RBFOX1: variants seen among roughly 807,000 people sequenced by gnomAD.
RBFOX1 encodes the protein RNA binding fox-1 homolog 1.
In RBFOX1, 8 loss-of-function variants were observed where a neutral mutation model predicts 57.7. That is an observed-to-expected ratio of 0.14 (90% CI 0.08 to 0.25). The LOEUF (loss-of-function observed/expected upper bound fraction) is 0.25, where lower values mean the gene tolerates loss of function less well. RBFOX1 is among the 10% of genes least tolerant of loss of function. The pLI, the probability that RBFOX1 is intolerant of heterozygous loss-of-function variation, is 1.00. For missense variants in RBFOX1, 611 were observed against 548.5 expected (o/e 1.11, Z -1.14); for synonymous variants, 326 against 222.4 (o/e 1.47, Z -4.15).
At chr16:6,773,841 TTGTG>T (rs1007551740) in intron 3 of RBFOX1, 129 of 461,200 alleles carry the variant, frequency 2.8e-4, no homozygotes, top group African/African-American at 2.6e-3. Flanking sequence ...TGGGGTGCAT[TTGTG>T]TGTATATATG....
intron 3 of RBFOX1, among the ~76,000 whole-genome samples, chr16:6,965,048 C>G (rs933162802): frequency 7.2e-5 from 11 of 152,112 alleles, no homozygotes; most frequent in African/African-American, 2.7e-4. Context: ...GGTTCTCCTC[C>G]TTCCCTGGAG....
chr16:7,707,273 T>C (rs895155264), intron 14 of RBFOX1, among the ~76,000 whole-genome samples: 6 of 152,278 alleles, frequency 3.9e-5, no homozygotes, highest in African/African-American at 1.4e-4. Flanking sequence ...ACTTGGAGTC[T>C]GAGAAGGTCC....
At chr16:7,557,691 C>T (rs898744806) in intron 5 of RBFOX1, among the ~76,000 whole-genome samples, 8 of 142,142 alleles carry the variant, frequency 5.6e-5, no homozygotes, top group Non-Finnish European at 1.2e-4. Flanking sequence ...CCAGAAAGCA[C>T]TTTTATATTA....
intron 3 of RBFOX1, among the ~76,000 whole-genome samples, chr16:7,028,116 C>T (rs973731681): frequency 5.3e-5 from 8 of 152,188 alleles, no homozygotes; most frequent in Admixed American, 4.6e-4. Flanking sequence ...GTTTGACTGC[C>T]TAGAAGCCTG....
intron 4 of RBFOX1, among the ~76,000 whole-genome samples, chr16:7,265,980 T>G (rs1490714865): frequency 3.6e-5 from 5 of 140,818 alleles, no homozygotes; most frequent in East Asian, 4.0e-4. Context: ...TTTTTTTTTT[T>G]TTTTTTTTTT....
intron 1 of RBFOX1, chr16:5,260,880 C>A (rs977159274): frequency 6.6e-6 from 1 of 152,246 alleles, no homozygotes; most frequent in Non-Finnish European, 1.5e-5. Context: ...TAACCACCAT[C>A]AAAATGGGTT....
Position 6,400,606 on chromosome 16 carries a change from G to T in RBFOX1, c.-64+83549G>T, listed in dbSNP as rs75250729. On this transcript the variant is annotated intron_variant, in intron 2 of 15. Coordinates refer to ENST00000550418, the MANE Select transcript of RBFOX1 (RefSeq NM_018723.4). ...TAAATATAAAAACAGAAATCAGGCT[G>T]GGCCTTGTAGCTCATGCCTGTAATC... Among the ~76,000 whole-genome samples, 597 of 152,316 alleles carry T rather than the reference G, an allele frequency of 3.9e-3. 4 individuals carry two copies. Among genetic ancestry groups the T allele is most frequent in the African/African-American group, 0.014 (583 of 41,564 alleles).
At chr16:5,457,968 G>GACCCACTTACAAGA (rs1307157578) in intron 1 of RBFOX1, among the ~76,000 whole-genome samples, 6 of 152,082 alleles carry the variant, frequency 3.9e-5, no homozygotes. Flanking sequence ...TGAGAACTCT[G>GACCCACTTACAAGA]ACCCACTTAC....
chr16:5,319,028 G>A (rs34182349), intron 1 of RBFOX1, among the ~76,000 whole-genome samples: 4 of 152,080 alleles, frequency 2.6e-5, no homozygotes, highest in Non-Finnish European at 5.9e-5. Flanking sequence ...TTGGGAGGCT[G>A]AGGCAGGAGA....
At chr16:5,432,559 G>GTTTTTTTTTTTTTTTTGTTTTTTT (rs35344614) in intron 1 of RBFOX1, among the ~76,000 whole-genome samples, 2 of 94,224 alleles carry the variant, frequency 2.1e-5, no homozygotes, top group Non-Finnish European at 4.1e-5. Flanking sequence ...TTGTTTGTTT[G>GTTTTTTTTTTTTTTTTGTTTTTTT]TTTTTTTTTT....
chr16:5,808,395 G>A (rs549676715), intron 3 of RBFOX1, among the ~76,000 whole-genome samples: 24 of 152,240 alleles, frequency 1.6e-4, no homozygotes, highest in Admixed American at 3.9e-4. Context: ...TTGACTTGGC[G>A]ATGCGGGCTC....
chr16:5,964,478 T>C (rs917515434), intron 4 of RBFOX1, among the ~76,000 whole-genome samples: 2 of 152,136 alleles, frequency 1.3e-5, no homozygotes, highest in South Asian at 2.1e-4. Context: ...AGCCAAAATA[T>C]GAAATGACCT....
At chr16:7,122,273 A>G (rs996430108) in intron 4 of RBFOX1, among the ~76,000 whole-genome samples, 10 of 152,156 alleles carry the variant, frequency 6.6e-5, no homozygotes, top group African/African-American at 2.2e-4. Context: ...AGTATCTAGA[A>G]TATATTTTGA....
chr16:6,688,368 C>A (rs2059745709), intron 3 of RBFOX1, among the ~76,000 whole-genome samples: 1 of 152,150 alleles, frequency 6.6e-6, no homozygotes, highest in Admixed American at 6.5e-5. Context: ...TCTCATCAGG[C>A]CCCACCTTCA....
intron 4 of RBFOX1, among the ~76,000 whole-genome samples, chr16:5,971,512 G>A (rs2059961458): frequency 6.6e-6 from 1 of 152,146 alleles, no homozygotes; most frequent in Non-Finnish European, 1.5e-5. Context: ...TTATGATACA[G>A]ACTCATTGTG....
intron 11 of RBFOX1, among the ~76,000 whole-genome samples, chr16:7,648,815 G>A (rs993657342): frequency 2.0e-5 from 3 of 152,156 alleles, no homozygotes; most frequent in Non-Finnish European, 4.4e-5. Flanking sequence ...TGCCATCGAG[G>A]AGAATTTAAA....
intron 3 of RBFOX1, among the ~76,000 whole-genome samples, chr16:6,868,142 T>A (rs190664195): frequency 3.9e-5 from 6 of 152,352 alleles, no homozygotes; most frequent in Admixed American, 2.6e-4. Context: ...CATTTGAAAT[T>A]AGCAAATAAT....
chr16:7,002,851 C>G (rs1052177454), intron 3 of RBFOX1, among the ~76,000 whole-genome samples: 1 of 152,158 alleles, frequency 6.6e-6, no homozygotes, highest in African/African-American at 2.4e-5. Flanking sequence ...ATAGGAGTTT[C>G]TCTCAACATC....
chr16:5,336,762 CCTT>C lies in RBFOX1; in HGVS notation c.219+96660_219+96662del, dbSNP rs370759141. ...GAGGAACTGCCCCTCCAGCCCCCCT[CCTT>C]CTGGTGAGCTCCTGGGCTAGCTTTG... On this transcript the variant is annotated intron_variant, in intron 1 of 2. Coordinates refer to the RBFOX1 transcript ENST00000585867. 2.0e-5 allele frequency among the ~76,000 whole-genome samples: 3 copies of C among 152,334 alleles called. 1 individual carries two copies. Among genetic ancestry groups the C allele is most frequent in the African/African-American group, 7.2e-5 (3 of 41,586 alleles).
Sources: gnomAD v4.1 joint callset for allele counts (sites outside exome capture counted in the v4.1 genomes callset) on GRCh38, gnomAD v4.1.1 for gene constraint, MANE v1.5 for transcripts, NCBI Gene and HGNC (gene_info 2026-07-23, HGNC 2026-07-21) for gene names.